Variants in GRIK2 observed in about 807,000 individuals in gnomAD.
GRIK2 encodes the protein glutamate ionotropic receptor kainate type subunit 2, also known as glutamate receptor ionotropic, kainate 2.
Under a neutral mutation model 100.3 loss-of-function variants are expected in GRIK2, and 32 were observed. The observed-to-expected ratio is 0.32, with a 90% CI of 0.24 to 0.43. The LOEUF (loss-of-function observed/expected upper bound fraction) is 0.43, where lower values mean the gene tolerates loss of function less well. GRIK2 is among the 20% of genes least tolerant of loss of function. GRIK2 has a pLI of 1.00. For missense variants in GRIK2, 843 were observed against 1,114.9 expected (o/e 0.76, Z 3.47); for synonymous variants, 417 against 389.4 (o/e 1.07, Z -0.83).
intron 4 of GRIK2, among the ~76,000 whole-genome samples, chr6:101,675,727 T>C (rs754980066): frequency 2.9e-4 from 44 of 152,310 alleles, no homozygotes; most frequent in Admixed American, 4.6e-4. Flanking sequence ...TTTAATTTAA[T>C]TATCAGGTAC....
intron 7 of GRIK2, among the ~76,000 whole-genome samples, chr6:101,785,173 G>C (rs1779345609): frequency 6.6e-6 from 1 of 151,382 alleles, no homozygotes; most frequent in Non-Finnish European, 1.5e-5. Flanking sequence ...TTTTACTGTT[G>C]AGTTGTTTGA....
At chr6:101,816,153 A>C (rs1330146164) in intron 9 of GRIK2, among the ~76,000 whole-genome samples, 2 of 152,156 alleles carry the variant, frequency 1.3e-5, no homozygotes, top group African/African-American at 2.4e-5. Flanking sequence ...GTTTTATTAG[A>C]TAGACGACAG....
At chr6:102,048,708 T>C (rs549204654) in intron 15 of GRIK2, among the ~76,000 whole-genome samples, 45 of 152,190 alleles carry the variant, frequency 3.0e-4, no homozygotes, top group African/African-American at 1.1e-3. Context: ...ATTGGAGTAA[T>C]GACAAGCTAG....
intron 2 of GRIK2, among the ~76,000 whole-genome samples, chr6:101,471,663 A>G (rs896941962): frequency 5.3e-5 from 8 of 151,998 alleles, no homozygotes; most frequent in Non-Finnish European, 1.2e-4. Context: ...TTTCACTTTC[A>G]TAGTTATCAT....
chr6:101,874,813 G>T (rs143389956), intron 11 of GRIK2, among the ~76,000 whole-genome samples: 1 of 151,830 alleles, frequency 6.6e-6, no homozygotes, highest in East Asian at 1.9e-4. Flanking sequence ...GGTCCTTCAC[G>T]TTCCTTGTAA....
intron 14 of GRIK2, among the ~76,000 whole-genome samples, chr6:101,929,819 C>A (rs6937053): frequency 0.011 from 1,723 of 152,132 alleles, 36 homozygotes; most frequent in African/African-American, 0.039. Context: ...AAGTGAATTT[C>A]TCATATGACT....
intron 11 of GRIK2, 149 bp downstream of exon 11, chr6:101,859,642 G>T (rs992437533): frequency 3.3e-6 from 2 of 612,754 alleles, no homozygotes; most frequent in Non-Finnish European, 5.8e-6. Flanking sequence ...GATAGTATTT[G>T]TCACTAAATG....
intron 7 of GRIK2, among the ~76,000 whole-genome samples, chr6:101,799,155 T>C (rs190453993): frequency 6.6e-6 from 1 of 152,210 alleles, no homozygotes; most frequent in Non-Finnish European, 1.5e-5. Flanking sequence ...ATGAAAGAAT[T>C]TAAGGTTTTA....
intron 16 of GRIK2, among the ~76,000 whole-genome samples, chr6:102,059,787 A>G (rs1242982977): frequency 1.3e-5 from 2 of 150,930 alleles, no homozygotes; most frequent in East Asian, 3.9e-4. Context: ...GAACAGCAAC[A>G]TAACTTCTAT....
At chr6:101,523,829 A>C (rs2518248) in intron 2 of GRIK2, among the ~76,000 whole-genome samples, 16,103 of 148,896 alleles carry the variant, frequency 0.11, 1,007 homozygotes, top group Middle Eastern at 0.14. Context: ...AAGCGATTCC[A>C]CTGCCTCAGC....
intron 14 of GRIK2, among the ~76,000 whole-genome samples, chr6:102,002,252 C>T (rs1794979823): frequency 6.7e-6 from 1 of 148,316 alleles, no homozygotes; most frequent in Admixed American, 6.8e-5. Context: ...AAGCTAAATG[C>T]CTGGATTATG....
At chr6:102,039,596 T>G (rs1346909375) in intron 15 of GRIK2, among the ~76,000 whole-genome samples, 1 of 151,496 alleles carries the variant, frequency 6.6e-6, no homozygotes, top group Non-Finnish European at 1.5e-5. Flanking sequence ...TGGGAACATT[T>G]CTCCTCCTTA....
intron 14 of GRIK2, among the ~76,000 whole-genome samples, chr6:101,997,305 C>G (rs1794702162): frequency 6.6e-6 from 1 of 152,022 alleles, no homozygotes; most frequent in Admixed American, 6.6e-5. Context: ...CCCATTGAGA[C>G]CCATGCCCCC....
rs968308920 is a variant in GRIK2, at chr6:101,490,549, G to A, written c.115+91157G>A. 2.0e-5 allele frequency among the ~76,000 whole-genome samples: 3 copies of A among 146,936 alleles called. 1 individual carries two copies. Among genetic ancestry groups the A allele is most frequent in the African/African-American group, 7.8e-5 (3 of 38,640 alleles). ...ACTTTAGCTTCACTCAGAAATGTGTGTACAATAGATAAGTGAAGAAGTACG... is the reference window on the plus strand; with the variant it reads ...ACTTTAGCTTCACTCAGAAATGTGTATACAATAGATAAGTGAAGAAGTACG... On this transcript the variant is annotated intron_variant, in intron 2 of 16. Coordinates refer to ENST00000369134, the MANE Select transcript of GRIK2 (RefSeq NM_021956.5).
chr6:101,874,641 T>G (rs942028130), intron 11 of GRIK2, among the ~76,000 whole-genome samples: 4 of 152,146 alleles, frequency 2.6e-5, no homozygotes, highest in African/African-American at 9.7e-5. Context: ...AAGAAAGTCA[T>G]TGGTAGCTTG....
intron 2 of GRIK2, among the ~76,000 whole-genome samples, chr6:101,516,595 T>C (rs1774597324): frequency 6.6e-6 from 1 of 152,102 alleles, no homozygotes; most frequent in South Asian, 2.1e-4. Context: ...ACTCAAAATA[T>C]GGATTAAGGA....
At chr6:101,757,620 A>G (rs1409342241) in intron 7 of GRIK2, among the ~76,000 whole-genome samples, 6 of 152,196 alleles carry the variant, frequency 3.9e-5, no homozygotes, top group Non-Finnish European at 8.8e-5. Flanking sequence ...GCCTAAGGAC[A>G]TAGAGTCCAG....
intron 10 of GRIK2, among the ~76,000 whole-genome samples, chr6:101,843,114 A>G (rs1783612501): frequency 6.6e-6 from 1 of 152,226 alleles, no homozygotes. Flanking sequence ...GTAGTGAAAA[A>G]TACATAAAGA....
intron 9 of GRIK2, among the ~76,000 whole-genome samples, chr6:101,812,585 C>T (rs1270909986): frequency 6.6e-6 from 1 of 151,718 alleles, no homozygotes; most frequent in Non-Finnish European, 1.5e-5. Flanking sequence ...CGTAGGATGT[C>T]CTATATTCAA....
Sources: gnomAD v4.1 joint callset for allele counts (sites outside exome capture counted in the v4.1 genomes callset) on GRCh38, gnomAD v4.1.1 for gene constraint, MANE v1.5 for transcripts, NCBI Gene and HGNC (gene_info 2026-07-23, HGNC 2026-07-21) for gene names.